The following LAMA1 variants were observed in gnomAD, a reference collection of about 807,000 sequenced individuals.
LAMA1 encodes the protein laminin subunit alpha-1.
A neutral mutation model predicts 348.7 loss-of-function variants in LAMA1; 219 were observed. That is an observed-to-expected ratio of 0.63 (90% CI 0.56 to 0.70). The LOEUF (loss-of-function observed/expected upper bound fraction) is 0.70. Among genes scored for constraint, LAMA1 ranks in the 30% least tolerant of loss-of-function variants. The probability of loss-of-function intolerance (pLI) is 0.00; values close to 1 mark genes in which losing one functional copy is unlikely to be tolerated. For missense variants in LAMA1, 3,744 were observed against 3,888.0 expected, an observed-to-expected ratio of 0.96 and a Z score of 0.99; for synonymous variants, 1,487 against 1,491.0, an observed-to-expected ratio of 1.00 and a Z score of 0.06.
At chr18:6,955,534 C>A in intron 56 of LAMA1, 69 bp from the exon 57 acceptor site, 1 of 1,112,446 alleles carries the variant, frequency 9.0e-7, no homozygotes, top group Non-Finnish European at 1.4e-6. Context: ...ACGCGTGTTC[C>A]GCCATGAAGG....
chr18:6,956,215 G>T (rs1299924955), intron 56 of LAMA1: 4 of 341,468 alleles, frequency 1.2e-5, no homozygotes, highest in Non-Finnish European at 2.3e-5. Context: ...AGCAATGGCT[G>T]CCATTCAAAA....
chr18:7,048,493 C>T (rs2144197607), intron 5 of LAMA1, among the ~76,000 whole-genome samples: 1 of 152,178 alleles, frequency 6.6e-6, no homozygotes, highest in African/African-American at 2.4e-5. Flanking sequence ...CTTCAGTGAC[C>T]CTCCCATTTC....
In LAMA1 at chr18:6,966,130, C is replaced by T. The variant is rs754236223; in HGVS notation, c.7050+17G>A. On this transcript the variant is annotated intron_variant, in intron 49 of 62. Coordinates refer to ENST00000389658, the MANE Select transcript of LAMA1 (RefSeq NM_005559.4). ...GTGTGTATACAGTAGGGCCTAGGGC[C>T]GCACAAACACTCTTACTGTGCCGTA... 2.0e-5 allele frequency: 33 copies of T among 1,613,568 alleles called. No individual in the cohort carries two copies. Among genetic ancestry groups the T allele is most frequent in the Middle Eastern group, 1.7e-4 (1 of 6,020 alleles).
At chr18:6,978,028 C>G in intron 43 of LAMA1, 147 bp from the exon 44 acceptor site, 2 of 1,263,838 alleles carry the variant, frequency 1.6e-6, no homozygotes, top group Non-Finnish European at 2.3e-6. Context: ...GAAAACTGCA[C>G]AAGTAGCATG....
At chr18:6,983,579 A>C (rs1244821233) in intron 39 of LAMA1, among the ~76,000 whole-genome samples, 1 of 152,200 alleles carries the variant, frequency 6.6e-6, no homozygotes, top group East Asian at 1.9e-4. Context: ...CTAGGGCGCC[A>C]CTGCATGCTT....
rs201749821 is a variant in LAMA1, at chr18:7,043,424, C to T, written c.977-19G>A. The T allele has an allele frequency of 1.5e-3, 2,454 of 1,602,522 alleles. 2 individuals carry two copies. The highest frequency in any genetic ancestry group is 1.8e-3 in the Non-Finnish European group (2,107 of 1,172,980). On this transcript the variant is annotated intron_variant, in intron 7 of 62. Transcript: ENST00000389658. ...TTACATGCTAGGAGAATATTTTTAA[C>T]ATCTCAATTAATTTACATAGCATGC...
intron 10 of LAMA1, among the ~76,000 whole-genome samples, chr18:7,039,550 A>C (rs953170030): frequency 2.0e-5 from 3 of 152,226 alleles, no homozygotes; most frequent in Admixed American, 2.0e-4. Flanking sequence ...CCGAATACAA[A>C]GCTGGAAAAG....
intron 3 of LAMA1, among the ~76,000 whole-genome samples, chr18:7,062,345 G>A (rs2058105596): frequency 6.6e-6 from 1 of 151,812 alleles, no homozygotes; most frequent in African/African-American, 2.4e-5. Context: ...TGGAGCAAAG[G>A]TGAGGAAAGA....
intron 61 of LAMA1, among the ~76,000 whole-genome samples, chr18:6,944,560 G>A (rs185778453): frequency 1.2e-4 from 18 of 152,278 alleles, no homozygotes; most frequent in Middle Eastern, 6.8e-3. Flanking sequence ...TGACTAGGGT[G>A]GCCCTCATCC....
In LAMA1 at chr18:6,985,569, A is replaced by C. The variant is rs770747149; in HGVS notation, c.5454T>G (p.Asp1818Glu). 1.1e-5 allele frequency: 17 copies of C among 1,614,084 alleles called. No individual in the cohort carries two copies. The highest frequency in any genetic ancestry group is 6.7e-5 in the African/African-American group (5 of 74,940). The part of the protein sequence containing the change: ...ELIVQGRGLI[D>E]AAAAQTDAVQ... ...CAGCATCTGTTTGTGCAGCAGCAGCATCTATCAATCCTCTTCCTTGGACAA... is the reference window on the plus strand; with the variant it reads ...CAGCATCTGTTTGTGCAGCAGCAGCCTCTATCAATCCTCTTCCTTGGACAA... The change falls in exon 38 of 63, where the codon GAT becomes GAG. Residue 1818 changes from aspartate (D) to glutamate (E), a missense_variant. Asp to Glu is a conservative substitution (Grantham distance 45). This residue lies in a region of LAMA1 where 1,983 missense variants were observed against 1,934.3 expected (regional missense o/e 1.03). Coordinates refer to ENST00000389658, the MANE Select transcript of LAMA1 (RefSeq NM_005559.4).
At chr18:7,000,426 T>C (rs1037046347) in intron 30 of LAMA1, among the ~76,000 whole-genome samples, 4 of 152,158 alleles carry the variant, frequency 2.6e-5, no homozygotes, top group Admixed American at 2.0e-4. Flanking sequence ...AAGAACTTTA[T>C]TGACTGTAAC....
At chr18:7,064,963 C>G (rs892930432) in intron 3 of LAMA1, among the ~76,000 whole-genome samples, 1 of 152,162 alleles carries the variant, frequency 6.6e-6, no homozygotes. Flanking sequence ...AGGCCGGGCG[C>G]AGTGGCTCAC....
intron 1 of LAMA1, among the ~76,000 whole-genome samples, chr18:7,093,958 G>T (rs1016023976): frequency 2.0e-5 from 3 of 151,510 alleles, no homozygotes; most frequent in African/African-American, 7.3e-5. Flanking sequence ...TGTATTTTTA[G>T]TAGAGACAGG....
intron 51 of LAMA1, among the ~76,000 whole-genome samples, chr18:6,964,347 A>G (rs555031723): frequency 6.6e-6 from 1 of 152,254 alleles, no homozygotes; most frequent in Admixed American, 6.5e-5. Context: ...TCAAGTTAGG[A>G]TGAGGTCATT....
At position 6,950,767 on chromosome 18, in the gene LAMA1, C is replaced by T. The variant is rs1246362685; in HGVS notation, c.8397+15G>A. 1 of 1,613,608 alleles carries T rather than the reference C, an allele frequency of 6.2e-7. No homozygotes were observed. Among genetic ancestry groups the T allele is most frequent in the African/African-American group, 1.3e-5 (1 of 74,886 alleles). ...GAACTCAGAAGCAGCCACCACAAGCCTCCTGAGATCGTACCGTGTGCCACT... is the reference window on the plus strand; with the variant it reads ...GAACTCAGAAGCAGCCACCACAAGCTTCCTGAGATCGTACCGTGTGCCACT... On this transcript the variant is annotated intron_variant, in intron 58 of 62. Coordinates refer to ENST00000389658, the MANE Select transcript of LAMA1 (RefSeq NM_005559.4).
At chr18:7,026,235 CTA>C (rs2057942562) in intron 16 of LAMA1, 129 bp from the exon 17 acceptor site, 2 of 1,099,238 alleles carry the variant, frequency 1.8e-6, no homozygotes, top group African/African-American at 1.6e-5. Context: ...AACCTCTGAG[CTA>C]TATGAGGAAG....
intron 4 of LAMA1, among the ~76,000 whole-genome samples, chr18:7,050,095 C>T (rs985606994): frequency 6.6e-6 from 1 of 152,164 alleles, no homozygotes; most frequent in Admixed American, 6.5e-5. Context: ...AAGAAAAAGT[C>T]CACAAAGCCT....
At chr18:7,067,415 C>T (rs182202588) in intron 3 of LAMA1, among the ~76,000 whole-genome samples, 67 of 151,640 alleles carry the variant, frequency 4.4e-4, no homozygotes, top group African/African-American at 1.5e-3. Context: ...CAAAAAAGGA[C>T]GCACTGTGAT....
intron 1 of LAMA1, among the ~76,000 whole-genome samples, chr18:7,113,201 G>A (rs1157545937): frequency 6.6e-6 from 1 of 152,194 alleles, no homozygotes; most frequent in African/African-American, 2.4e-5. Context: ...AGCAGAGAGA[G>A]AGCTGGGAAG....
Sources: gnomAD v4.1 joint callset for allele counts (sites outside exome capture counted in the v4.1 genomes callset) on GRCh38, gnomAD v4.1.1 for gene constraint, gnomAD v4.1.1 regional missense constraint, MANE v1.5 for transcripts, NCBI Gene and HGNC (gene_info 2026-07-23, HGNC 2026-07-21) for gene names.